Variants in CACNB2 observed in about 807,000 individuals in gnomAD.
CACNB2 encodes the protein voltage-dependent L-type calcium channel subunit beta-2.
CACNB2 carries 42 observed loss-of-function variants against 73.3 expected under a neutral mutation model. The ratio of observed to expected loss-of-function variants is 0.57; its 90% CI spans 0.45 to 0.74. The LOEUF is 0.74. CACNB2 is among the 30% of genes least tolerant of loss of function. CACNB2 has a pLI of 0.00. For synonymous variants in CACNB2, 348 were observed against 310.3 expected, an observed-to-expected ratio of 1.12 and a Z score of -1.28; for missense variants, 940 against 853.0, an observed-to-expected ratio of 1.10 and a Z score of -1.27.
chr10:18,224,516 C>G (rs182045263), intron 2 of CACNB2, among the ~76,000 whole-genome samples: 49 of 152,276 alleles, frequency 3.2e-4, no homozygotes, highest in Admixed American at 2.6e-3. Context: ...ATTTCTTTCT[C>G]TAACCCACGA....
chr10:18,275,228 T>C (rs1213831491), intron 2 of CACNB2, among the ~76,000 whole-genome samples: 3 of 152,248 alleles, frequency 2.0e-5, no homozygotes, highest in Non-Finnish European at 4.4e-5. Flanking sequence ...GATTTCCAGC[T>C]ATAGACTTTC....
At chr10:18,367,054 T>A (rs1318370464) in intron 2 of CACNB2, among the ~76,000 whole-genome samples, 1 of 152,230 alleles carries the variant, frequency 6.6e-6, no homozygotes, top group Non-Finnish European at 1.5e-5. Flanking sequence ...GTACGAAACA[T>A]GTACTACGAT....
chr10:18,367,048 G>A (rs1007304601), intron 2 of CACNB2, among the ~76,000 whole-genome samples: 7 of 152,156 alleles, frequency 4.6e-5, no homozygotes, highest in African/African-American at 7.2e-5. Flanking sequence ...AGGTGTGTAC[G>A]AAACATGTAC....
intron 2 of CACNB2, among the ~76,000 whole-genome samples, chr10:18,247,473 G>T (rs553581819): frequency 1.3e-5 from 2 of 152,082 alleles, no homozygotes; most frequent in Non-Finnish European, 2.9e-5. Context: ...TGCCCAGTAG[G>T]GGGTATGAAG....
chr10:18,493,254 C>T (rs559548087), intron 3 of CACNB2, among the ~76,000 whole-genome samples: 20 of 152,218 alleles, frequency 1.3e-4, no homozygotes, highest in Middle Eastern at 3.4e-3. Flanking sequence ...CTGCAGCCTC[C>T]GCCTCCTAGG....
chr10:18,531,715 G>A (rs1395475764), intron 10 of CACNB2: 3 of 152,040 alleles, frequency 2.0e-5, no homozygotes, highest in African/African-American at 7.2e-5. Flanking sequence ...CTAACTGGTG[G>A]GAGATGGTAT....
intron 10 of CACNB2, chr10:18,531,876 A>G (rs1000352594): frequency 6.6e-6 from 1 of 152,150 alleles, no homozygotes; most frequent in African/African-American, 2.4e-5. Context: ...TTCAGTGGGT[A>G]TAAGAAACTG....
chr10:18,207,725 T>C (rs1257122447), intron 2 of CACNB2, among the ~76,000 whole-genome samples: 2 of 152,236 alleles, frequency 1.3e-5, no homozygotes, highest in Non-Finnish European at 2.9e-5. Context: ...ATGGGCATGA[T>C]GTATTATGTT....
rs575576002 is a variant in CACNB2 at position 18,268,987 on chromosome 10, T to TGCTTTAGGTCTGG, written c.213+118012_213+118013insGCTTTAGGTCTGG. ...CAGCACTGCTATGAGCTCCCAAATG[T>TGCTTTAGGTCTGG]CCTTTAGGTCTGGCCTTCATGAGAT... On this transcript the variant is annotated intron_variant, in intron 2 of 13. Transcript: ENST00000324631. 3.1e-4 allele frequency among the ~76,000 whole-genome samples: 47 copies of TGCTTTAGGTCTGG among 152,234 alleles called. No homozygotes were observed. The South Asian group carries it at 5.2e-3, about 17-fold the overall frequency.
chr10:18,373,747 A>C (rs1172101460), intron 2 of CACNB2, among the ~76,000 whole-genome samples: 1 of 152,196 alleles, frequency 6.6e-6, no homozygotes, highest in Non-Finnish European at 1.5e-5. Context: ...TAGTTAATGC[A>C]TAAGATGTTA....
intron 2 of CACNB2, among the ~76,000 whole-genome samples, chr10:18,375,053 A>G (rs925486797): frequency 6.6e-6 from 1 of 152,112 alleles, no homozygotes; most frequent in Non-Finnish European, 1.5e-5. Context: ...CCCCATCTCT[A>G]CAAAAATTTA....
chr10:18,417,058 A>G (rs2045012654), intron 3 of CACNB2, among the ~76,000 whole-genome samples: 1 of 151,588 alleles, frequency 6.6e-6, no homozygotes. Context: ...ACCAGCTGAG[A>G]ATGCATTAAT....
At position 18,536,275 on chromosome 10, in the gene CACNB2, G is replaced by GTTTTTTTTTTTTTTTTTTTTT. The variant is rs2053587888; in HGVS notation, c.1302+79_1302+80insTTTTTTTTTTTTTTTTTTTTT. ...TTTTTTTTTTTTTTTTTTTTTTTTG[G>GTTTTTTTTTTTTTTTTTTTTT]GGGACAAGGTCTTGCTCTGTTGCCC... On this transcript the variant is annotated intron_variant, in intron 12 of 13. Coordinates refer to ENST00000324631, the MANE Select transcript of CACNB2 (RefSeq NM_201596.3). 73 of 92,510 alleles carry GTTTTTTTTTTTTTTTTTTTTT rather than the reference G, an allele frequency of 7.9e-4. 13 individuals carry two copies. Among genetic ancestry groups the GTTTTTTTTTTTTTTTTTTTTT allele is most frequent in the African/African-American group, 1.9e-3 (19 of 10,156 alleles). The allele number at this position is 92,510 out of a possible 1,614,324, so 5.7% of individuals were successfully genotyped here. A position where few individuals can be genotyped will look rare whatever the true frequency, so the allele number is the denominator to read the frequency against.
At chr10:18,227,741 A>G (rs2036052536) in intron 2 of CACNB2, among the ~76,000 whole-genome samples, 1 of 152,202 alleles carries the variant, frequency 6.6e-6, no homozygotes, top group Admixed American at 6.5e-5. Context: ...CCTCCAGAAT[A>G]GACAAGTATG....
At position 18,399,631 on chromosome 10, in the gene CACNB2, C is replaced by A. The variant is rs543351394; in HGVS notation, c.214-2293C>A. Among the ~76,000 whole-genome samples the A allele has an allele frequency of 1.3e-4, 20 of 152,174 alleles. No individual in the cohort carries two copies. In the South Asian group the frequency reaches 4.1e-3, roughly 32 times the overall value. On this transcript the variant is annotated intron_variant, in intron 2 of 13. Coordinates refer to ENST00000324631, the MANE Select transcript of CACNB2 (RefSeq NM_201596.3). ...CTCATGGGCTCAAGCAATCCTCCCA[C>A]TTTGGCCTCCCAGAGTCCTAGGGTT...
intron 2 of CACNB2, among the ~76,000 whole-genome samples, chr10:18,199,967 GTGTGTGTGTGTGTGTGTC>G (rs1439118416): frequency 3.7e-4 from 56 of 150,444 alleles, no homozygotes; most frequent in African/African-American, 1.4e-3. Flanking sequence ...GTGTGTGTGT[GTGTGTGTGTGTGTGTGTC>G]TGTATTGTTG....
At chr10:18,459,853 C>G (rs926406159) in intron 3 of CACNB2, among the ~76,000 whole-genome samples, 1 of 152,032 alleles carries the variant, frequency 6.6e-6, no homozygotes, top group African/African-American at 2.4e-5. Flanking sequence ...CAAAAATTAC[C>G]TGGGAATGAC....
intron 3 of CACNB2, among the ~76,000 whole-genome samples, chr10:18,483,195 G>C (rs765613516): frequency 5.9e-5 from 9 of 151,866 alleles, no homozygotes; most frequent in African/African-American, 2.2e-4. Flanking sequence ...ATTTGGTTTG[G>C]GTCATGGGGA....
At chr10:18,536,243 C>CCTTTT (rs2053561910) in intron 12 of CACNB2, 47 bp downstream of exon 12, 2 of 248,580 alleles carry the variant, frequency 8.0e-6, no homozygotes, top group African/African-American at 1.4e-4. Context: ...GAGATCAGAC[C>CCTTTT]TTTTTTTTTT....
Sources: allele counts gnomAD v4.1 joint callset (sites outside exome capture counted in the v4.1 genomes callset), GRCh38; gene constraint gnomAD v4.1.1; transcripts MANE v1.5; gene names NCBI Gene and HGNC (gene_info 2026-07-23, HGNC 2026-07-21).